The following LRMDA variants were observed in gnomAD, a reference collection of about 807,000 sequenced individuals.
LRMDA encodes the protein leucine rich melanocyte differentiation associated, also known as leucine-rich melanocyte differentiation-associated protein.
LRMDA carries 18 observed loss-of-function variants against 29.8 expected under a neutral mutation model. That is an observed-to-expected ratio of 0.60 (90% CI 0.42 to 0.90). LRMDA has a LOEUF of 0.90. Ranked by LOEUF, LRMDA falls within the 40% of genes least tolerant of loss-of-function variation. LRMDA has a pLI of 0.00. For missense variants in LRMDA, 273 were observed against 273.9 expected (o/e 1.00, Z 0.02); for synonymous variants, 125 against 109.4 (o/e 1.14, Z -0.89).
chr10:75,538,147 A>G (rs1839974239), intron 2 of LRMDA, among the ~76,000 whole-genome samples: 1 of 152,200 alleles, frequency 6.6e-6, no homozygotes, highest in African/African-American at 2.4e-5. Context: ...AAGCTTTGTT[A>G]GCTCATCAGA....
chr10:75,662,247 C>T (rs1462782721), intron 2 of LRMDA, among the ~76,000 whole-genome samples: 1 of 152,110 alleles, frequency 6.6e-6, no homozygotes, highest in Non-Finnish European at 1.5e-5. Context: ...ACTTCCAGCT[C>T]TGATGAAGTA....
chr10:75,514,144 A>C (rs1266723591), intron 2 of LRMDA, among the ~76,000 whole-genome samples: 1 of 149,112 alleles, frequency 6.7e-6, no homozygotes. Context: ...TACAGATTCA[A>C]AGGCAGTCCT....
intron 2 of LRMDA, among the ~76,000 whole-genome samples, chr10:75,663,503 G>T (rs545859801): frequency 2.0e-5 from 3 of 152,086 alleles, no homozygotes; most frequent in Non-Finnish European, 2.9e-5. Flanking sequence ...TTCTTATCTT[G>T]GTCCATTTCA....
chr10:76,542,548 G>A (rs1843369773), intron 6 of LRMDA, among the ~76,000 whole-genome samples: 1 of 152,120 alleles, frequency 6.6e-6, no homozygotes. Context: ...GGATGTCTGC[G>A]TTCAGTGAGT....
chr10:76,297,978 G>A (rs753331538), intron 5 of LRMDA, among the ~76,000 whole-genome samples: 1 of 152,226 alleles, frequency 6.6e-6, no homozygotes, highest in Non-Finnish European at 1.5e-5. Context: ...CGCATGTGCC[G>A]ACTGAAGTCG....
chr10:75,440,155 G>A (rs919391798), intron 2 of LRMDA, among the ~76,000 whole-genome samples: 2 of 150,006 alleles, frequency 1.3e-5, no homozygotes, highest in African/African-American at 2.5e-5. Context: ...AGGTGTGTAT[G>A]TGTGGCAAGA....
At chr10:75,741,002 G>A (rs953260446) in intron 2 of LRMDA, among the ~76,000 whole-genome samples, 1 of 152,044 alleles carries the variant, frequency 6.6e-6, no homozygotes, top group Admixed American at 6.6e-5. Context: ...CTCTTACTTG[G>A]CCAGTTTGTG....
intron 2 of LRMDA, among the ~76,000 whole-genome samples, chr10:75,811,537 T>C (rs748020277): frequency 1.3e-5 from 2 of 152,224 alleles, no homozygotes; most frequent in Non-Finnish European, 2.9e-5. Flanking sequence ...ATGGTACTCA[T>C]CTCATTTTAG....
At chr10:75,658,212 G>A (rs140723325) in intron 2 of LRMDA, among the ~76,000 whole-genome samples, 1 of 150,586 alleles carries the variant, frequency 6.6e-6, no homozygotes. Context: ...GGAATGAAAC[G>A]TGCAAAGCCT....
chr10:75,958,892 G>C (rs1489559368), intron 2 of LRMDA, among the ~76,000 whole-genome samples: 1 of 152,220 alleles, frequency 6.6e-6, no homozygotes, highest in Non-Finnish European at 1.5e-5. Flanking sequence ...TGGCAGATGA[G>C]AGAAATGAGA....
chr10:76,210,153 CA>C (rs1458795293), intron 5 of LRMDA, among the ~76,000 whole-genome samples: 1 of 152,150 alleles, frequency 6.6e-6, no homozygotes, highest in East Asian at 1.9e-4. Flanking sequence ...AACATTCAAT[CA>C]GTTAAAAATA....
At chr10:76,072,502 G>A (rs752653080) in intron 5 of LRMDA, among the ~76,000 whole-genome samples, 1 of 152,098 alleles carries the variant, frequency 6.6e-6, no homozygotes, top group East Asian at 1.9e-4. Flanking sequence ...AGTATTTTAG[G>A]CTAGACCTTC....
intron 2 of LRMDA, among the ~76,000 whole-genome samples, chr10:75,473,661 T>G (rs1844753527): frequency 6.6e-6 from 1 of 152,220 alleles, no homozygotes; most frequent in Non-Finnish European, 1.5e-5. Flanking sequence ...CTCCTTAACA[T>G]TTCTGTGGCT....
intron 2 of LRMDA, among the ~76,000 whole-genome samples, chr10:75,449,549 T>C (rs1171024569): frequency 6.7e-6 from 1 of 149,872 alleles, no homozygotes; most frequent in Non-Finnish European, 1.5e-5. Context: ...TTTTGAATCA[T>C]TAAAGCCTGT....
intron 2 of LRMDA, among the ~76,000 whole-genome samples, chr10:75,948,657 T>C (rs549753565): frequency 1.3e-5 from 2 of 152,306 alleles, no homozygotes; most frequent in South Asian, 4.1e-4. Flanking sequence ...TGGTTTCTAC[T>C]GTACTTACTG....
At chr10:76,423,082 G>A (rs537639245) in intron 6 of LRMDA, among the ~76,000 whole-genome samples, 4 of 152,236 alleles carry the variant, frequency 2.6e-5, no homozygotes, top group African/African-American at 9.6e-5. Context: ...AAAACTCCAC[G>A]AAGATGAGTG....
chr10:75,955,157 G>C (rs1846643419), intron 2 of LRMDA, among the ~76,000 whole-genome samples: 1 of 152,160 alleles, frequency 6.6e-6, no homozygotes, highest in Non-Finnish European at 1.5e-5. Context: ...TTGTAAGATA[G>C]GGATATTTTA....
intron 2 of LRMDA, among the ~76,000 whole-genome samples, chr10:75,635,475 G>A (rs146478281): frequency 5.3e-5 from 8 of 152,194 alleles, no homozygotes; most frequent in African/African-American, 1.9e-4. Context: ...GGAGAAATTT[G>A]AGTCTGTCTG....
chr10:76,130,878 G>T (rs758621729), intron 5 of LRMDA, among the ~76,000 whole-genome samples: 11 of 152,042 alleles, frequency 7.2e-5, no homozygotes, highest in Non-Finnish European at 1.5e-4. Flanking sequence ...GGCCAGGCTT[G>T]TCTTAAACTC....
Sources: gnomAD v4.1 joint callset for allele counts (sites outside exome capture counted in the v4.1 genomes callset) on GRCh38, gnomAD v4.1.1 for gene constraint, MANE v1.5 for transcripts, NCBI Gene and HGNC (gene_info 2026-07-23, HGNC 2026-07-21) for gene names.